SLC8A3: variants seen among roughly 807,000 people sequenced by gnomAD.
The protein encoded by SLC8A3 is solute carrier family 8 member A3, also known as sodium/calcium exchanger 3.
Under a neutral mutation model 65.4 loss-of-function variants are expected in SLC8A3, and 37 were observed. The ratio of observed to expected loss-of-function variants is 0.57; its 90% confidence interval spans 0.44 to 0.74. SLC8A3 has a LOEUF of 0.74. Among genes scored for constraint, SLC8A3 ranks in the 30% least tolerant of loss-of-function variants. SLC8A3 has a pLI of 0.00. For synonymous variants in SLC8A3, 461 were observed against 444.5 expected, an observed-to-expected ratio of 1.04 and a Z score of -0.47; for missense variants, 1,112 against 1,172.1, an observed-to-expected ratio of 0.95 and a Z score of 0.75.
intron 2 of SLC8A3, among the ~76,000 whole-genome samples, chr14:70,079,353 A>T (rs867466714): frequency 7.1e-6 from 1 of 140,746 alleles, no homozygotes; most frequent in Non-Finnish European, 1.5e-5. Context: ...AAAAAAAAAA[A>T]TCAGCCAGGC....
rs143943254 is a variant in SLC8A3, at chr14:70,151,303, A to C, written c.1784+15336T>G. ...AACTATCAAGGAACCAGGGCTATGG[A>C]GATTGGAAGATAGAAGAGGAGGCCA... On this transcript the variant is annotated intron_variant, in intron 2 of 6. Transcript: ENST00000356921. Among the ~76,000 whole-genome samples, 97 of 151,992 alleles carry C rather than the reference A, an allele frequency of 6.4e-4. No homozygotes were observed. The East Asian group carries it at 0.013, about 21-fold the overall frequency.
rs557460450 is a variant in SLC8A3, at chr14:70,118,960, C to A, written c.1784+47679G>T. Among the ~76,000 whole-genome samples the A allele has an allele frequency of 1.8e-3, 267 of 152,294 alleles. 2 individuals carry two copies. Among genetic ancestry groups the A allele is most frequent in the Non-Finnish European group, 3.3e-3 (227 of 68,026 alleles). On this transcript the variant is annotated intron_variant, in intron 2 of 6. Coordinates refer to ENST00000356921, the MANE Select transcript of SLC8A3 (RefSeq NM_182932.3). ...TAGCATGAGTTTGGAGCTCATACTGCTCATCTGAAACCTCTAAGGAGAAGT... is the reference window on the plus strand; with the variant it reads ...TAGCATGAGTTTGGAGCTCATACTGATCATCTGAAACCTCTAAGGAGAAGT...
Position 70,046,269 on chromosome 14 carries a change from A to G in SLC8A3, c.2444T>C (p.Ile815Thr), listed in dbSNP as rs977410011. 1.2e-6 allele frequency: 2 copies of G among 1,614,146 alleles called. No homozygotes were observed. Among genetic ancestry groups the G allele is most frequent in the Non-Finnish European group, 1.7e-6 (2 of 1,179,984 alleles). ...ALQDVYADAS[I>T]GNVTGSNAVN... The stretch of plus-strand genomic sequence containing the variant: ...GGCGTTGCTGCCCGTCACGTTGCCA[A>G]TGGAGGCGTCTGCATATACATCCTG... The change falls in exon 7 of 7, where the codon ATT becomes ACT. Residue 815 changes from isoleucine to threonine, a missense_variant. By Grantham distance (89) the Ile-to-Thr change is moderately conservative. Transcript: ENST00000356921. This position sits in a 1 kb window ranked among gnomAD's most constrained non-coding sequence, Gnocchi z 4.2.
chr14:70,091,463 C>A (rs990201086), intron 2 of SLC8A3, among the ~76,000 whole-genome samples: 1 of 152,128 alleles, frequency 6.6e-6, no homozygotes, highest in African/African-American at 2.4e-5. Context: ...ATATCGTATA[C>A]CCCCTTGACT....
At chr14:70,153,412 T>A (rs1026743433) in intron 2 of SLC8A3, among the ~76,000 whole-genome samples, 29 of 152,142 alleles carry the variant, frequency 1.9e-4, no homozygotes, top group African/African-American at 6.3e-4. Context: ...AGCTAATTCA[T>A]CATTCCTGCT....
At chr14:70,061,568 AAGAG>A (rs3052680) in intron 2 of SLC8A3, among the ~76,000 whole-genome samples, 2 of 150,132 alleles carry the variant, frequency 1.3e-5, no homozygotes, top group African/African-American at 2.4e-5. Flanking sequence ...GAGAAAGAGA[AAGAG>A]AGAGAGAGAG....
At chr14:70,109,196 CTTTT>C (rs61458322) in intron 2 of SLC8A3, among the ~76,000 whole-genome samples, 17 of 136,658 alleles carry the variant, frequency 1.2e-4, no homozygotes, top group Admixed American at 8.8e-4. Context: ...GCAGAAGGTT[CTTTT>C]TTTTTTTTTT....
chr14:70,107,488 C>T (rs1242747755), intron 2 of SLC8A3, among the ~76,000 whole-genome samples: 2 of 152,186 alleles, frequency 1.3e-5, no homozygotes, highest in African/African-American at 4.8e-5. Flanking sequence ...TGTAGGGAGA[C>T]ATTTAGCTTG....
rs556878180 is a variant in SLC8A3 at position 70,132,166 on chromosome 14, G to A, written c.1784+34473C>T. ...AAGATGAAAGAACTAGCTTGTTCTG[G>A]TTTGGTGAGTGCCCCTTTTGGTGGT... On this transcript the variant is annotated intron_variant, in intron 2 of 6. Coordinates refer to ENST00000356921, the MANE Select transcript of SLC8A3 (RefSeq NM_182932.3). Among the ~76,000 whole-genome samples the A allele has an allele frequency of 4.6e-5, 7 of 152,282 alleles. No individual in the cohort carries two copies. The South Asian group carries it at 1.5e-3, about 32-fold the overall frequency.
Position 70,167,173 on chromosome 14 carries a change from G to C in SLC8A3, c.1250C>G (p.Thr417Arg). The change falls in exon 2 of 7, where the codon ACA becomes AGA. Residue 417 changes from threonine to arginine, a missense_variant. Coordinates refer to ENST00000356921, the MANE Select transcript of SLC8A3 (RefSeq NM_182932.3). ...CATGTCTCCCCCTTTCCTCACCACT[G>C]TCAGGAGTACAGCCCCACAGTTCTC... The part of the protein sequence containing the change: ...CLENCGAVLL[T>R]VVRKGGDMSK... The C allele has an allele frequency of 6.2e-6, 10 of 1,614,102 alleles. No individual in the cohort carries two copies. Among genetic ancestry groups the C allele is most frequent in the Admixed American group, 3.3e-5 (2 of 60,020 alleles).
chr14:70,112,152 T>C (rs571641686), intron 2 of SLC8A3, among the ~76,000 whole-genome samples: 1 of 152,288 alleles, frequency 6.6e-6, no homozygotes, highest in Non-Finnish European at 1.5e-5. Context: ...AGGGAGAGAC[T>C]GAGTCTCGCC....
chr14:70,073,537 T>C (rs1384394413), intron 2 of SLC8A3, among the ~76,000 whole-genome samples: 1 of 152,188 alleles, frequency 6.6e-6, no homozygotes, highest in Admixed American at 6.5e-5. Context: ...TGCCCTGAAG[T>C]TGATAAATCC....
At chr14:70,108,279 A>T (rs1893011595) in intron 2 of SLC8A3, among the ~76,000 whole-genome samples, 1 of 152,120 alleles carries the variant, frequency 6.6e-6, no homozygotes, top group Non-Finnish European at 1.5e-5. Context: ...AAGGGCCTGT[A>T]GTCCCAGCTA....
intron 3 of SLC8A3, among the ~76,000 whole-genome samples, chr14:70,055,294 A>T (rs896733290): frequency 5.9e-5 from 9 of 152,232 alleles, no homozygotes; most frequent in African/African-American, 1.9e-4. Flanking sequence ...GAGATGGAAG[A>T]TCTCCAGGAC....
chr14:70,150,980 C>G (rs111806674), intron 2 of SLC8A3, among the ~76,000 whole-genome samples: 2 of 152,122 alleles, frequency 1.3e-5, no homozygotes. Flanking sequence ...TCTGGCCAGG[C>G]GCGGTAGCTC....
rs1214807797 is a variant in SLC8A3, at chr14:70,051,029, C to T, written c.2092G>A (p.Glu698Lys). ...GTHSWRDQFMEAITVSAAGDE... is the reference protein window; with the variant it reads ...GTHSWRDQFMKAITVSAAGDE... ...TCACCTGCACTGACGGTGATGGCCT[C>T]CATGAACTGGTCCCTCCAGGAATGG... is the stretch of plus-strand genomic sequence containing the variant. Residue 698 changes from glutamate to lysine, a missense_variant, in exon 5 of 7, where the codon GAG becomes AAG. By Grantham distance (56) the Glu-to-Lys change is moderately conservative (BLOSUM62 1). Coordinates refer to ENST00000356921, the MANE Select transcript of SLC8A3 (RefSeq NM_182932.3). 2.5e-6 allele frequency: 4 copies of T among 1,612,756 alleles called. No individual in the cohort carries two copies. The highest frequency in any genetic ancestry group is 3.4e-6 in the Non-Finnish European group (4 of 1,178,822).
intron 2 of SLC8A3, among the ~76,000 whole-genome samples, chr14:70,166,370 T>C (rs761199881): frequency 6.6e-6 from 1 of 152,220 alleles, no homozygotes; most frequent in African/African-American, 2.4e-5. Flanking sequence ...CCAGCTATCA[T>C]TTTGTGTTTC....
rs554800045 is a variant in SLC8A3 at position 70,184,609 on chromosome 14, T to A, written c.-63+3770A>T. Among the ~76,000 whole-genome samples, 35 of 152,336 alleles carry A rather than the reference T, an allele frequency of 2.3e-4. No individual in the cohort carries two copies. The Middle Eastern group carries it at 0.01, about 44-fold the overall frequency. The stretch of plus-strand genomic sequence containing the variant: ...GCTTAGCTGTCCCTACAAGTCCTCA[T>A]TAAGCCCATAGGAAGAGGTGCTCCT... On this transcript the variant is annotated intron_variant, in intron 1 of 6. Transcript: ENST00000356921.
intron 2 of SLC8A3, among the ~76,000 whole-genome samples, chr14:70,128,631 T>C (rs544058915): frequency 6.2e-4 from 94 of 152,346 alleles, no homozygotes; most frequent in African/African-American, 2.1e-3. Flanking sequence ...TTTAAGACTA[T>C]GATGAGAAGA....
Sources: gnomAD v4.1 joint callset for allele counts (sites outside exome capture counted in the v4.1 genomes callset) on GRCh38, gnomAD v4.1.1 for gene constraint, Gnocchi (gnomAD v3.1) non-coding constraint, MANE v1.5 for transcripts, NCBI Gene and HGNC (gene_info 2026-07-23, HGNC 2026-07-21) for gene names.